CRMP1: variants seen among roughly 807,000 people sequenced by gnomAD.
CRMP1 encodes dihydropyrimidinase-related protein 1.
In CRMP1, 19 loss-of-function variants were observed where a neutral mutation model predicts 68.3. That is an observed-to-expected ratio of 0.28 (90% CI 0.19 to 0.41). The LOEUF (loss-of-function observed/expected upper bound fraction) is 0.41. Ranked by LOEUF, CRMP1 falls within the 10% of genes least tolerant of loss-of-function variation. The pLI, the probability that CRMP1 is intolerant of heterozygous loss-of-function variation, is 1.00. For synonymous variants in CRMP1, 439 were observed against 399.6 expected (o/e 1.10, Z -1.18); for missense variants, 791 against 967.4 (o/e 0.82, Z 2.42).
rs778018190 is a variant in CRMP1 at position 5,861,189 on chromosome 4, G to A, written c.492C>T (p.Ile164=). ...CAATGGTCTTCACTCCACCAGGAAC[G>A]ATTAAGTTCTCTCCTATTTGTCTGG... ...GLIKQIGENL[I]VPGGVKTIEA... The change falls in exon 3 of 14, where the codon ATC becomes ATT. Residue 164 remains isoleucine, a synonymous_variant. Transcript: ENST00000324989. The surrounding 1 kb of genome is among the most constrained non-coding windows in gnomAD (Gnocchi z 6.0). The A allele has an allele frequency of 3.3e-5, 53 of 1,613,884 alleles. No homozygotes were observed. The highest frequency in any genetic ancestry group is 1.8e-4 in the East Asian group (8 of 44,898).
chr4:5,852,787 C>G (rs1008474993), intron 4 of CRMP1, among the ~76,000 whole-genome samples: 2 of 151,954 alleles, frequency 1.3e-5, no homozygotes, highest in Non-Finnish European at 2.9e-5. Context: ...TCTGATGATC[C>G]CTATGTGGGG....
rs554083908 is a variant in CRMP1, at chr4:5,872,453, G to A, written c.382-5697C>T. On this transcript the variant is annotated intron_variant, in intron 1 of 13. Transcript: ENST00000324989. The surrounding 1 kb of genome is among the most constrained non-coding windows in gnomAD (Gnocchi z 4.6). ...TGTAATCCCAGCACTTTGGGAGGCC[G>A]AGGTTGGCGGATCACCTGAGGTTAG... Among the ~76,000 whole-genome samples, 326 of 152,262 alleles carry A rather than the reference G, an allele frequency of 2.1e-3. 1 individual carries two copies. Among genetic ancestry groups the A allele is most frequent in the African/African-American group, 7.5e-3 (313 of 41,542 alleles).
intron 11 of CRMP1, among the ~76,000 whole-genome samples, chr4:5,830,701 T>C (rs1447459942): frequency 2.0e-5 from 3 of 152,218 alleles, no homozygotes; most frequent in African/African-American, 4.8e-5. Context: ...GTTTGGTTTA[T>C]TGCAGCTTTA....
intron 9 of CRMP1, among the ~76,000 whole-genome samples, chr4:5,839,203 G>A (rs552354888): frequency 5.4e-4 from 82 of 152,330 alleles, no homozygotes; most frequent in African/African-American, 1.8e-3. Context: ...CAGGTCCGGG[G>A]TGACACAGCC....
Position 5,856,259 on chromosome 4 carries a change from T to C in CRMP1, c.704A>G (p.Glu235Gly). The change falls in exon 4 of 14, where the codon GAG (glutamate) becomes GGG (glycine). Residue 235 changes from glutamate to glycine, a missense_variant. Coordinates refer to ENST00000324989, the MANE Select transcript of CRMP1 (RefSeq NM_001014809.3). ...GGTGTCAGCTGCTTCGTGCCACTTCTCGAAAGAGGTCAGTAGGCTGGACCC... is the reference window on the plus strand; with the variant it reads ...GGTGTCAGCTGCTTCGTGCCACTTCCCGAAAGAGGTCAGTAGGCTGGACCC... ...EPGSSLLTSF[E>G]KWHEAADTKS... 1 of 1,613,790 alleles carries C rather than the reference T, an allele frequency of 6.2e-7. No homozygotes were observed. The highest frequency in any genetic ancestry group is 1.1e-5 in the South Asian group (1 of 91,070).
intron 1 of CRMP1, among the ~76,000 whole-genome samples, chr4:5,887,136 C>G (rs1481176614): frequency 6.6e-6 from 1 of 152,200 alleles, no homozygotes; most frequent in Non-Finnish European, 1.5e-5. Context: ...ATGCCACCCG[C>G]AAAGCCTTGC....
rs948392233 is a variant in CRMP1, at chr4:5,888,365, G to T, written c.381+4224C>A. On this transcript the variant is annotated intron_variant, in intron 1 of 13. Coordinates refer to ENST00000324989, the MANE Select transcript of CRMP1 (RefSeq NM_001014809.3). This position sits in a 1 kb window ranked among gnomAD's most constrained non-coding sequence, Gnocchi z 6.4. ...GCTCCCAGCGGGCGCGCTGACAAAG[G>T]CCCGGGAGGGATAGAGACACGGACG... 1 of 1,229,056 alleles carries T rather than the reference G, an allele frequency of 8.1e-7. No homozygotes were observed. Among genetic ancestry groups the T allele is most frequent in the Non-Finnish European group, 1.0e-6 (1 of 983,416 alleles). The allele number at this position is 1,229,056 out of a possible 1,614,324, so 76.1% of individuals were successfully genotyped here. A position where few individuals can be genotyped will look rare whatever the true frequency, so the allele number is the denominator to read the frequency against.
At chr4:5,833,229 G>T in intron 11 of CRMP1, among the ~76,000 whole-genome samples, 1 of 85,438 alleles carries the variant, frequency 1.2e-5, no homozygotes, top group Non-Finnish European at 2.5e-5. Flanking sequence ...TGCAGTGGTG[G>T]GATCTCGGCT....
Position 5,842,186 on chromosome 4 carries a change from C to T in CRMP1, c.1033-758G>A, listed in dbSNP as rs1424185101. ...CCGGGAGGCAGAGCTTGCAGTGAGC[C>T]AAGATGGCGCCACTTCACTCCAGCC... On this transcript the variant is annotated intron_variant, in intron 7 of 13. Transcript: ENST00000324989. The surrounding 1 kb of genome is among the most constrained non-coding windows in gnomAD (Gnocchi z 4.5). Among the ~76,000 whole-genome samples, 1 of 152,046 alleles carries T rather than the reference C, an allele frequency of 6.6e-6. No homozygotes were observed. Among genetic ancestry groups the T allele is most frequent in the Admixed American group, 6.5e-5 (1 of 15,272 alleles).
In CRMP1 at chr4:5,821,312, C is replaced by T. The variant is rs1465780956; in HGVS notation, c.*448G>A. ...TGCCCCTCAGGGCTTGAGGTCTCGGCATCGTGTCTCAGTCAGTCCTTGGCG... is the reference window on the plus strand; with the variant it reads ...TGCCCCTCAGGGCTTGAGGTCTCGGTATCGTGTCTCAGTCAGTCCTTGGCG... On this transcript the variant is annotated 3_prime_UTR_variant, in exon 14 of 14. Transcript: ENST00000324989. This position sits in a 1 kb window ranked among gnomAD's most constrained non-coding sequence, Gnocchi z 4.4. 1 of 159,426 alleles carries T rather than the reference C, an allele frequency of 6.3e-6. No homozygotes were observed. The highest frequency in any genetic ancestry group is 1.4e-5 in the Non-Finnish European group (1 of 72,450). The allele number at this position is 159,426 out of a possible 1,614,324, so 9.9% of individuals were successfully genotyped here.
chr4:5,825,576 G>C lies in CRMP1; in HGVS notation c.1887C>G (p.Pro629=), dbSNP rs202058080. ...EVPATPKYAT[P]APSAKSSPSK... is the part of the protein sequence containing the mutation. ...AAGGCGAAGATTTGGCTGAAGGAGC[G>C]GGAGTTGCATATTTGGGTGTAGCTG... Residue 629 remains proline (P), a synonymous_variant, in exon 13 of 14, where the codon CCC becomes CCG. Coordinates refer to ENST00000324989, the MANE Select transcript of CRMP1 (RefSeq NM_001014809.3). This position sits in a 1 kb window ranked among gnomAD's most constrained non-coding sequence, Gnocchi z 4.4. 1.2e-6 allele frequency: 2 copies of C among 1,601,904 alleles called. No homozygotes were observed. Among genetic ancestry groups the C allele is most frequent in the African/African-American group, 1.3e-5 (1 of 74,172 alleles).
Position 5,821,834 on chromosome 4 carries a change from T to C in CRMP1, c.1987A>G (p.Asn663Asp), listed in dbSNP as rs757302329. Reference sequence around the variant, plus strand: ...CGGTGGCCGGTGCGCCTGGGATTGTTGTCATCTATCTGGGCACCTGAAAGA... The same window carrying C: ...CGGTGGCCGGTGCGCCTGGGATTGTCGTCATCTATCTGGGCACCTGAAAGA... ...FSLSGAQIDDNNPRRTGHRIV... is the reference protein window; with the variant it reads ...FSLSGAQIDDDNPRRTGHRIV... Residue 663 changes from asparagine (N) to aspartate (D), a missense_variant, in exon 14 of 14, where the codon AAC becomes GAC. Asn to Asp is a conservative substitution (Grantham distance 23). This residue lies in a region of CRMP1 where 594 missense variants were observed against 763.6 expected (regional missense o/e 0.78). Coordinates refer to ENST00000324989, the MANE Select transcript of CRMP1 (RefSeq NM_001014809.3). This position sits in a 1 kb window ranked among gnomAD's most constrained non-coding sequence, Gnocchi z 4.4. 97 of 1,593,338 alleles carry C rather than the reference T, an allele frequency of 6.1e-5. No homozygotes were observed. The highest frequency in any genetic ancestry group is 7.6e-5 in the Non-Finnish European group (89 of 1,172,358).
intron 2 of CRMP1, among the ~76,000 whole-genome samples, chr4:5,863,679 G>T (rs1713757801): frequency 6.6e-6 from 1 of 152,044 alleles, no homozygotes; most frequent in Admixed American, 6.6e-5. Flanking sequence ...ATTCACCAAG[G>T]CTGAGTGAGT....
In CRMP1 at chr4:5,892,911, C is replaced by T; in HGVS notation, c.59G>A (p.Arg20Gln). The change falls in exon 1 of 14, where the codon CGG becomes CAG. Residue 20 changes from arginine to glutamine, a missense_variant. Coordinates refer to ENST00000324989, the MANE Select transcript of CRMP1 (RefSeq NM_001014809.3). The surrounding 1 kb of genome is among the most constrained non-coding windows in gnomAD (Gnocchi z 8.6). The part of the protein sequence containing the change: ...TEDDLPVYLA[R>Q]PGSAAQTPRQ... ...CGGGGTCTGCGCCGCGCTGCCCGGCCGCGCCAGGTACACGGGCAGGTCGTC... is the reference window on the plus strand; with the variant it reads ...CGGGGTCTGCGCCGCGCTGCCCGGCTGCGCCAGGTACACGGGCAGGTCGTC... 1.5e-6 allele frequency: 2 copies of T among 1,352,450 alleles called. No homozygotes were observed. Among genetic ancestry groups the T allele is most frequent in the South Asian group, 1.6e-5 (1 of 61,012 alleles). The allele number at this position is 1,352,450 out of a possible 1,614,324, so 83.8% of individuals were successfully genotyped here.
intron 1 of CRMP1, among the ~76,000 whole-genome samples, chr4:5,868,267 A>ATATC (rs1553907502): frequency 0.022 from 367 of 16,734 alleles, 10 homozygotes; most frequent in Admixed American, 0.15. Context: ...ATATCTATAT[A>ATATC]TATATATATA....
Position 5,860,192 on chromosome 4 carries a change from T to C in CRMP1, c.655+834A>G, listed in dbSNP as rs568113730. ...TTTGGGCTCGGCCACATGACTGACC[T>C]TGGCCAATGGAATGTGGGTGGAAGT... On this transcript the variant is annotated intron_variant, in intron 3 of 13. Coordinates refer to ENST00000324989, the MANE Select transcript of CRMP1 (RefSeq NM_001014809.3). The surrounding 1 kb of genome is among the most constrained non-coding windows in gnomAD (Gnocchi z 4.2). Among the ~76,000 whole-genome samples the C allele has an allele frequency of 6.6e-6, 1 of 152,146 alleles. No individual in the cohort carries two copies. Among genetic ancestry groups the C allele is most frequent in the South Asian group, 2.1e-4 (1 of 4,812 alleles).
chr4:5,825,969 A>C lies in CRMP1; in HGVS notation c.1804-310T>G. 1.0e-5 allele frequency: 4 copies of C among 394,562 alleles called. No homozygotes were observed. The highest frequency in any genetic ancestry group is 1.8e-5 in the Non-Finnish European group (4 of 219,716). 24.4% of individuals were successfully genotyped at this position (394,562 alleles called of 1,614,324 possible). A position where few individuals can be genotyped will look rare whatever the true frequency, so the allele number is the denominator to read the frequency against. Reference sequence around the variant, plus strand: ...ACACATATATGCATGCACATGCAGTAACAAAACAGGCCTACACAGTAGCAT... The same window carrying C: ...ACACATATATGCATGCACATGCAGTCACAAAACAGGCCTACACAGTAGCAT... On this transcript the variant is annotated intron_variant, in intron 12 of 13. Coordinates refer to ENST00000324989, the MANE Select transcript of CRMP1 (RefSeq NM_001014809.3). This position sits in a 1 kb window ranked among gnomAD's most constrained non-coding sequence, Gnocchi z 4.4.
rs1004806368 is a variant in CRMP1 at position 5,854,931 on chromosome 4, T to C, written c.820+1212A>G. On this transcript the variant is annotated intron_variant, in intron 4 of 13. Transcript: ENST00000324989. This position sits in a 1 kb window ranked among gnomAD's most constrained non-coding sequence, Gnocchi z 4.0. ...AATTAGAAATGCAAACAAATGTTTA[T>C]ATACAAAGATGTTCACCGTAACAGG... is the stretch of plus-strand genomic sequence containing the variant. Among the ~76,000 whole-genome samples, 3 of 152,208 alleles carry C rather than the reference T, an allele frequency of 2.0e-5. No homozygotes were observed. The highest frequency in any genetic ancestry group is 2.9e-5 in the Non-Finnish European group (2 of 68,040).
intron 1 of CRMP1, among the ~76,000 whole-genome samples, chr4:5,876,223 T>C (rs1714821204): frequency 6.6e-6 from 1 of 152,132 alleles, no homozygotes; most frequent in African/African-American, 2.4e-5. Flanking sequence ...TCATGACTTA[T>C]GTTTCCGAGT....
Sources: allele counts gnomAD v4.1 joint callset (sites outside exome capture counted in the v4.1 genomes callset), GRCh38; gene constraint gnomAD v4.1.1; regional missense constraint gnomAD v4.1.1; non-coding constraint Gnocchi (gnomAD v3.1); transcripts MANE v1.5; gene names NCBI Gene and HGNC (gene_info 2026-07-23, HGNC 2026-07-21).